UIMC1: variants seen among roughly 807,000 people sequenced by gnomAD.
UIMC1 encodes the protein ubiquitin interaction motif containing 1, also known as BRCA1-A complex subunit RAP80.
UIMC1 carries 42 observed loss-of-function variants against 84.9 expected under a neutral mutation model. That is an observed-to-expected ratio of 0.49 (90% CI 0.39 to 0.64). UIMC1 has a LOEUF of 0.64. UIMC1 is among the 30% of genes least tolerant of loss of function. The pLI is 0.00. For synonymous variants in UIMC1, 281 were observed against 293.0 expected, an observed-to-expected ratio of 0.96 and a Z score of 0.42; for missense variants, 825 against 847.6, an observed-to-expected ratio of 0.97 and a Z score of 0.33.
intron 10 of UIMC1, among the ~76,000 whole-genome samples, chr5:176,935,836 T>C (rs1414906035): frequency 6.6e-6 from 1 of 152,160 alleles, no homozygotes; most frequent in Non-Finnish European, 1.5e-5. Flanking sequence ...CTCAGGCATA[T>C]CTATAATAAG....
intron 9 of UIMC1, among the ~76,000 whole-genome samples, chr5:176,946,356 A>G (rs1230435236): frequency 6.6e-6 from 1 of 152,134 alleles, no homozygotes; most frequent in African/African-American, 2.4e-5. Context: ...TACTGAAAAT[A>G]CAAAAATTAG....
chr5:176,955,747 C>A (rs1163311605), intron 8 of UIMC1, among the ~76,000 whole-genome samples: 1 of 152,020 alleles, frequency 6.6e-6, no homozygotes, highest in South Asian at 2.1e-4. Context: ...AACTAAATTA[C>A]CCCTAAGGAG....
chr5:176,972,485 CA>C (rs1769395829), intron 3 of UIMC1, among the ~76,000 whole-genome samples: 1 of 151,988 alleles, frequency 6.6e-6, no homozygotes. Flanking sequence ...CCTGTAATCC[CA>C]GCACTTTGGG....
At position 176,968,309 on chromosome 5, in the gene UIMC1, T is replaced by C. The variant is rs188129948; in HGVS notation, c.1200+246A>G. Among the ~76,000 whole-genome samples the C allele has an allele frequency of 2.1e-3, 314 of 151,622 alleles. 2 individuals carry two copies. Among genetic ancestry groups the C allele is most frequent in the Admixed American group, 4.5e-3 (69 of 15,250 alleles). On this transcript the variant is annotated intron_variant, in intron 6 of 14. Coordinates refer to ENST00000511320, the MANE Select transcript of UIMC1 (RefSeq NM_001199298.2). ...ACTGCTTGAACCCGGGAGGTGGAGA[T>C]TGCAGTGAGCCGAAGATTGCGCCAT...
chr5:176,931,976 AAAAC>A (rs778764907), intron 10 of UIMC1, among the ~76,000 whole-genome samples: 18 of 152,332 alleles, frequency 1.2e-4, no homozygotes, highest in Admixed American at 3.3e-4. Flanking sequence ...CCATCTCTAA[AAAAC>A]AAACAAACAA....
At chr5:176,953,779 G>A (rs1006456912) in intron 8 of UIMC1, among the ~76,000 whole-genome samples, 1 of 152,182 alleles carries the variant, frequency 6.6e-6, no homozygotes. Flanking sequence ...CTATAATCCT[G>A]CTTCTTCAAC....
chr5:176,949,087 C>G (rs1765506355), intron 9 of UIMC1, among the ~76,000 whole-genome samples: 1 of 151,560 alleles, frequency 6.6e-6, no homozygotes, highest in Non-Finnish European at 1.5e-5. Flanking sequence ...CAGTTTTCCC[C>G]TTTTTAAAAA....
At chr5:176,950,104 T>TTC (rs1189306435) in intron 9 of UIMC1, among the ~76,000 whole-genome samples, 2 of 144,766 alleles carry the variant, frequency 1.4e-5, no homozygotes, top group African/African-American at 5.1e-5. Flanking sequence ...ACCTTTCTTT[T>TTC]TTTTTTTTTT....
Position 176,993,003 on chromosome 5 carries a change from T to C in UIMC1, c.-8-10380A>G, listed in dbSNP as rs548188550. 6.7e-4 allele frequency among the ~76,000 whole-genome samples: 102 copies of C among 151,944 alleles called. 1 individual carries two copies. The highest frequency in any genetic ancestry group is 2.3e-3 in the African/African-American group (95 of 41,368). On this transcript the variant is annotated intron_variant, in intron 1 of 14. Coordinates refer to ENST00000511320, the MANE Select transcript of UIMC1 (RefSeq NM_001199298.2). ...GAGTTGGAGACCAGCATGGCCAACA[T>C]GGCGAAACCCCATCTCTACTAAAAA... is the stretch of plus-strand genomic sequence containing the variant.
At chr5:176,978,732 T>C (rs1353065119) in intron 2 of UIMC1, among the ~76,000 whole-genome samples, 1 of 152,134 alleles carries the variant, frequency 6.6e-6, no homozygotes, top group Non-Finnish European at 1.5e-5. Flanking sequence ...ACTAATCCCA[T>C]ATATAATATT....
intron 14 of UIMC1, 128 bp downstream of exon 14, chr5:176,905,883 G>A: frequency 1.0e-6 from 1 of 960,850 alleles, no homozygotes; most frequent in South Asian, 1.4e-5. Context: ...CTGAGAGAGA[G>A]GTCATAATAG....
intron 2 of UIMC1, among the ~76,000 whole-genome samples, chr5:176,979,521 T>C (rs1276627356): frequency 6.6e-6 from 1 of 151,700 alleles, no homozygotes; most frequent in African/African-American, 2.4e-5. Flanking sequence ...GAGAATCGCT[T>C]GAACCTGGGA....
At chr5:176,948,210 C>T (rs958849344) in intron 9 of UIMC1, among the ~76,000 whole-genome samples, 2 of 152,208 alleles carry the variant, frequency 1.3e-5, no homozygotes, top group Admixed American at 1.3e-4. Context: ...TTCAGAAACA[C>T]TATTTCCAAA....
intron 11 of UIMC1, 79 bp from the exon 12 acceptor site, chr5:176,908,773 T>C: frequency 6.6e-7 from 1 of 1,507,318 alleles, no homozygotes; most frequent in Non-Finnish European, 9.0e-7. Context: ...TGTCTCAAAT[T>C]GTGTTTTTAC....
chr5:177,016,484 G>C (rs1033870336), intron 1 of UIMC1, among the ~76,000 whole-genome samples: 4 of 151,752 alleles, frequency 2.6e-5, no homozygotes, highest in Non-Finnish European at 4.4e-5. Context: ...GAGGTCAAAA[G>C]ATCGAGACCA....
Position 176,905,391 on chromosome 5 carries a change from G to T in UIMC1, c.2051C>A (p.Ser684Tyr). ...LNESPVKSFV[S>Y]ISEATDCLVD... ...TAAGCAATCTGTGGCTTCTGAAATG[G>T]AAACAAAAGACTTGACGGGAGATTC... is the stretch of plus-strand genomic sequence containing the variant. The change falls in exon 15 of 15, where the codon TCC becomes TAC. Residue 684 changes from serine to tyrosine, a missense_variant. Coordinates refer to ENST00000511320, the MANE Select transcript of UIMC1 (RefSeq NM_001199298.2). 1 of 1,614,128 alleles carries T rather than the reference G, an allele frequency of 6.2e-7. No individual in the cohort carries two copies. The highest frequency in any genetic ancestry group is 1.1e-5 in the South Asian group (1 of 91,084).
At chr5:177,014,975 G>C (rs564814251) in intron 1 of UIMC1, among the ~76,000 whole-genome samples, 1 of 152,296 alleles carries the variant, frequency 6.6e-6, no homozygotes, top group Non-Finnish European at 1.5e-5. Flanking sequence ...GCTCATGCCT[G>C]TAATCCCAGC....
chr5:176,945,512 G>A lies in UIMC1; in HGVS notation c.1444-2024C>T, dbSNP rs200781332. 4.6e-5 allele frequency among the ~76,000 whole-genome samples: 7 copies of A among 152,318 alleles called. No homozygotes were observed. The East Asian group carries it at 5.8e-4, about 13-fold the overall frequency. ...TGGACTGCTAGAACGAGTCAACAGC[G>A]CGTGATGTGCTTCCCCCTGTAGAGA... is the stretch of plus-strand genomic sequence containing the variant. On this transcript the variant is annotated intron_variant, in intron 9 of 14. Transcript: ENST00000511320.
At chr5:177,009,425 T>C (rs1775496458), upstream of UIMC1, among the ~76,000 whole-genome samples, 1 of 151,954 alleles carries the variant, frequency 6.6e-6, no homozygotes, top group African/African-American at 2.4e-5. This position sits in a 1 kb window ranked among gnomAD's most constrained non-coding sequence, Gnocchi z 4.3. Context: ...ACCCTAATCA[T>C]ATATACCTGG....
Sources: allele counts gnomAD v4.1 joint callset (sites outside exome capture counted in the v4.1 genomes callset), GRCh38; gene constraint gnomAD v4.1.1; non-coding constraint Gnocchi (gnomAD v3.1); transcripts MANE v1.5; gene names NCBI Gene and HGNC (gene_info 2026-07-23, HGNC 2026-07-21).